GRM8: variants seen among roughly 807,000 people sequenced by gnomAD.
The protein encoded by GRM8 is metabotropic glutamate receptor 8.
Under a neutral mutation model 87.2 loss-of-function variants are expected in GRM8, and 47 were observed. The observed-to-expected ratio is 0.54, with a 90% CI of 0.43 to 0.69. GRM8 has a LOEUF of 0.69. Among genes scored for constraint, GRM8 ranks in the 30% least tolerant of loss-of-function variants. The pLI is 0.00. For missense variants in GRM8, 1,019 were observed against 1,139.2 expected, an observed-to-expected ratio of 0.89 and a Z score of 1.52; for synonymous variants, 396 against 404.5, an observed-to-expected ratio of 0.98 and a Z score of 0.25.
intron 2 of GRM8, among the ~76,000 whole-genome samples, chr7:127,161,458 C>T (rs751594288): frequency 5.3e-5 from 8 of 152,156 alleles, no homozygotes; most frequent in Admixed American, 1.3e-4. Context: ...CATCCAATCA[C>T]CACCAAACCC....
At chr7:126,827,332 C>A (rs965988449) in intron 6 of GRM8, among the ~76,000 whole-genome samples, 7 of 152,044 alleles carry the variant, frequency 4.6e-5, no homozygotes, top group Non-Finnish European at 1.0e-4. Context: ...ATGATATTTT[C>A]TTCCCATCCA....
intron 3 of GRM8, among the ~76,000 whole-genome samples, chr7:127,062,800 G>A (rs902609377): frequency 1.3e-5 from 2 of 152,166 alleles, no homozygotes; most frequent in African/African-American, 4.8e-5. Context: ...TGTGTGTGTA[G>A]AGGTGTTCAC....
chr7:127,092,506 G>T (rs1586978375), intron 3 of GRM8, among the ~76,000 whole-genome samples: 1 of 152,116 alleles, frequency 6.6e-6, no homozygotes. Context: ...GATGAGCCTG[G>T]GTAACGTGGT....
intron 7 of GRM8, among the ~76,000 whole-genome samples, chr7:126,614,643 G>A (rs1351579247): frequency 1.3e-5 from 2 of 152,110 alleles, no homozygotes; most frequent in East Asian, 3.9e-4. Context: ...TTAGACAAAT[G>A]GCTAACTAGA....
chr7:126,903,610 T>C (rs948824847), intron 5 of GRM8, among the ~76,000 whole-genome samples: 2 of 145,774 alleles, frequency 1.4e-5, no homozygotes, highest in African/African-American at 5.0e-5. Context: ...ACTATATACA[T>C]ATATACATAT....
intron 7 of GRM8, among the ~76,000 whole-genome samples, chr7:126,723,238 A>C (rs1485905303): frequency 6.6e-6 from 1 of 151,912 alleles, no homozygotes; most frequent in African/African-American, 2.4e-5. Context: ...AAGAGGTATA[A>C]GAAATATCTT....
intron 8 of GRM8, among the ~76,000 whole-genome samples, chr7:126,596,903 T>C (rs1384155427): frequency 6.6e-6 from 1 of 152,150 alleles, no homozygotes; most frequent in African/African-American, 2.4e-5. Flanking sequence ...TTCCTACAAC[T>C]GCAAATGTAT....
chr7:126,486,871 C>A (rs1807435469), intron 9 of GRM8, among the ~76,000 whole-genome samples: 1 of 151,960 alleles, frequency 6.6e-6, no homozygotes. Context: ...TGTCCCTATG[C>A]AAAACTGGAA....
At chr7:126,724,274 T>C (rs1812728517) in intron 7 of GRM8, among the ~76,000 whole-genome samples, 1 of 152,166 alleles carries the variant, frequency 6.6e-6, no homozygotes, top group Non-Finnish European at 1.5e-5. Flanking sequence ...AGGCCTGAGT[T>C]CTGCCAATAA....
intron 8 of GRM8, among the ~76,000 whole-genome samples, chr7:126,559,150 C>CTTTTTTT (rs551929723): frequency 8.2e-6 from 1 of 122,038 alleles, no homozygotes. Flanking sequence ...TAATCTTTTG[C>CTTTTTTT]TTTTTTTTTT....
intron 8 of GRM8, among the ~76,000 whole-genome samples, chr7:126,600,821 A>C (rs991443769): frequency 2.6e-5 from 4 of 152,286 alleles, no homozygotes; most frequent in Non-Finnish European, 5.9e-5. Flanking sequence ...TTGAAAGAAT[A>C]AATTAGCATC....
chr7:127,065,343 C>T (rs1821003813), intron 3 of GRM8, among the ~76,000 whole-genome samples: 1 of 151,996 alleles, frequency 6.6e-6, no homozygotes, highest in Admixed American at 6.6e-5. Flanking sequence ...AAGAAGGGAA[C>T]AACACACACT....
At chr7:127,232,183 T>TGTGTGTGTGTGTGTG (rs1797724452) in intron 2 of GRM8, among the ~76,000 whole-genome samples, 1 of 129,756 alleles carries the variant, frequency 7.7e-6, no homozygotes, top group African/African-American at 3.1e-5. Flanking sequence ...TGTTTCTTCT[T>TGTGTGTGTGTGTGTG]TGTGTGTGTG....
rs565385754 is a variant in GRM8, at chr7:126,794,252, A to G, written c.1157-24187T>C. 3.9e-5 allele frequency among the ~76,000 whole-genome samples: 6 copies of G among 152,258 alleles called. No individual in the cohort carries two copies. In the South Asian group the frequency reaches 1.2e-3, roughly 32 times the overall value. On this transcript the variant is annotated intron_variant, in intron 6 of 10. Transcript: ENST00000339582. ...ATACAATCTTGAAAAAAATCTGCCTATTAACCTTGTGGAATGCATTCTCAC... is the reference window on the plus strand; with the variant it reads ...ATACAATCTTGAAAAAAATCTGCCTGTTAACCTTGTGGAATGCATTCTCAC...
chr7:126,510,650 C>T (rs200498122), intron 9 of GRM8, among the ~76,000 whole-genome samples: 1 of 7,104 alleles, frequency 1.4e-4, no homozygotes, highest in Non-Finnish European at 3.0e-4. Context: ...TTTTTATGGC[C>T]AACTATGTTA....
chr7:126,477,840 T>C (rs1019100569), intron 9 of GRM8, among the ~76,000 whole-genome samples: 2 of 152,146 alleles, frequency 1.3e-5, no homozygotes, highest in African/African-American at 4.8e-5. Flanking sequence ...ACTGGGTGGA[T>C]AGAAGAAACA....
At position 126,862,798 on chromosome 7, in the gene GRM8, A is replaced by G. The variant is rs546821499; in HGVS notation, c.1156+39744T>C. On this transcript the variant is annotated intron_variant, in intron 6 of 10. Transcript: ENST00000339582. ...TTTAAAAATCTTCACTAGATCTGAAATGATATCTTTTTTTATTTCTCATAT... is the reference window on the plus strand; with the variant it reads ...TTTAAAAATCTTCACTAGATCTGAAGTGATATCTTTTTTTATTTCTCATAT... Among the ~76,000 whole-genome samples, 107 of 152,204 alleles carry G rather than the reference A, an allele frequency of 7.0e-4. 2 individuals carry two copies. The highest frequency in any genetic ancestry group is 5.2e-4 in the Admixed American group (8 of 15,278).
intron 2 of GRM8, among the ~76,000 whole-genome samples, chr7:127,131,545 G>A (rs910879623): frequency 6.6e-6 from 1 of 152,120 alleles, no homozygotes; most frequent in African/African-American, 2.4e-5. Flanking sequence ...GTCAGATAAC[G>A]AGGGCTTCCT....
intron 3 of GRM8, among the ~76,000 whole-genome samples, chr7:127,078,191 G>A (rs1039369702): frequency 5.3e-5 from 8 of 152,084 alleles, no homozygotes; most frequent in South Asian, 4.1e-4. Flanking sequence ...TTCTTACTTC[G>A]GTTGCACTAA....
Sources: allele counts gnomAD v4.1 joint callset (sites outside exome capture counted in the v4.1 genomes callset), GRCh38; gene constraint gnomAD v4.1.1; transcripts MANE v1.5; gene names NCBI Gene and HGNC (gene_info 2026-07-23, HGNC 2026-07-21).